The following CADM2 variants were observed in gnomAD, a reference collection of about 807,000 sequenced individuals.
CADM2 encodes immunoglobulin superfamily member 4D.
In CADM2, 12 loss-of-function variants were observed where a neutral mutation model predicts 49.8. The observed-to-expected ratio is 0.24, with a 90% CI of 0.15 to 0.39. The LOEUF (loss-of-function observed/expected upper bound fraction) is 0.39. Among genes scored for constraint, CADM2 ranks in the 10% least tolerant of loss-of-function variants. CADM2 has a pLI of 1.00. For synonymous variants in CADM2, 214 were observed against 175.4 expected (o/e 1.22, Z -1.74); for missense variants, 378 against 492.3 (o/e 0.77, Z 2.20).
intron 2 of CADM2, among the ~76,000 whole-genome samples, chr3:85,742,016 A>G (rs1373657290): frequency 1.3e-5 from 2 of 152,200 alleles, no homozygotes; most frequent in Non-Finnish European, 2.9e-5. Context: ...TTGACTGCTT[A>G]TTACATGTTT....
At position 86,013,211 on chromosome 3, in the gene CADM2, C is replaced by T. The variant is rs1185811936; in HGVS notation, c.970+51564C>T. On this transcript the variant is annotated intron_variant, in intron 8 of 9. Transcript: ENST00000383699. ...AAACAGAAAAACATTGATGAAACTTCTGAGCAGGAACAAAAACATAAACCA... is the reference window on the plus strand; with the variant it reads ...AAACAGAAAAACATTGATGAAACTTTTGAGCAGGAACAAAAACATAAACCA... 8.6e-6 allele frequency: 12 copies of T among 1,398,422 alleles called. 2 individuals are homozygous for T. In the South Asian group the frequency reaches 1.1e-4, roughly 13 times the overall value. The allele number at this position is 1,398,422 out of a possible 1,614,324, so 86.6% of individuals were successfully genotyped here. A position where few individuals can be genotyped will look rare whatever the true frequency, so the allele number is the denominator to read the frequency against.
chr3:85,347,030 C>T (rs2107218973), intron 1 of CADM2, among the ~76,000 whole-genome samples: 1 of 151,922 alleles, frequency 6.6e-6, no homozygotes, highest in Admixed American at 6.6e-5. Context: ...CAAGACCAGC[C>T]TGGCCAACAT....
chr3:86,009,464 T>G (rs1731223567), intron 8 of CADM2, among the ~76,000 whole-genome samples: 1 of 151,494 alleles, frequency 6.6e-6, no homozygotes, highest in East Asian at 1.9e-4. Context: ...ATTTTTGGAG[T>G]GCCAGCACCC....
At chr3:85,433,893 C>T (rs572438727) in intron 1 of CADM2, among the ~76,000 whole-genome samples, 1 of 152,146 alleles carries the variant, frequency 6.6e-6, no homozygotes, top group East Asian at 1.9e-4. Context: ...TGAAAAGTAA[C>T]CAATTTGTTC....
intron 2 of CADM2, among the ~76,000 whole-genome samples, chr3:85,793,387 G>T (rs747011839): frequency 1.3e-4 from 20 of 152,104 alleles, no homozygotes; most frequent in Non-Finnish European, 2.4e-4. Context: ...GAGGAAAAAA[G>T]GGAGCCTATT....
intron 8 of CADM2, among the ~76,000 whole-genome samples, chr3:85,995,736 A>T (rs1729309666): frequency 6.6e-6 from 1 of 152,144 alleles, no homozygotes; most frequent in Non-Finnish European, 1.5e-5. Flanking sequence ...GATATATTCT[A>T]ATTTTATACA....
intron 8 of CADM2, among the ~76,000 whole-genome samples, chr3:85,977,828 C>T (rs188586144): frequency 2.6e-5 from 4 of 151,388 alleles, no homozygotes; most frequent in South Asian, 2.1e-4. Flanking sequence ...TTTTCCCTGT[C>T]GAAAAACAGG....
In CADM2 at chr3:85,247,282, G is replaced by T. The variant is rs368792247; in HGVS notation, c.61+287614G>T. On this transcript the variant is annotated intron_variant, in intron 1 of 9. Coordinates refer to ENST00000383699, the MANE Select transcript of CADM2 (RefSeq NM_001167675.2). Reference sequence around the variant, plus strand: ...TTAACTTTTCCTAGATCTCACTGGAGTAAAACAAAATATTTACTCTAACAT... The same window carrying T: ...TTAACTTTTCCTAGATCTCACTGGATTAAAACAAAATATTTACTCTAACAT... Among the ~76,000 whole-genome samples, 58 of 152,142 alleles carry T rather than the reference G, an allele frequency of 3.8e-4. 1 individual carries two copies. Among genetic ancestry groups the T allele is most frequent in the East Asian group, 3.5e-3 (18 of 5,164 alleles).
rs1265185353 is a variant in CADM2 at position 86,067,619 on chromosome 3, T to C, written c.*836T>C. 1 of 152,574 alleles carries C rather than the reference T, an allele frequency of 6.6e-6. No individual in the cohort carries two copies. Among genetic ancestry groups the C allele is most frequent in the Non-Finnish European group, 1.5e-5 (1 of 67,948 alleles). The allele number at this position is 152,574 out of a possible 1,614,324, so 9.5% of individuals were successfully genotyped here. A position where few individuals can be genotyped will look rare whatever the true frequency, so the allele number is the denominator to read the frequency against. On this transcript the variant is annotated 3_prime_UTR_variant, in exon 10 of 10. Transcript: ENST00000383699. The stretch of plus-strand genomic sequence containing the variant: ...TTCACCTGCCTAAACAATATTGAAG[T>C]ATCCATAGGGCACAATTTTCAGACA...
At chr3:85,976,293 C>T (rs1308734236) in intron 8 of CADM2, among the ~76,000 whole-genome samples, 2 of 151,520 alleles carry the variant, frequency 1.3e-5, no homozygotes, top group Non-Finnish European at 3.0e-5. Flanking sequence ...GAGCTCTTCT[C>T]TTGAAGACCT....
At chr3:85,206,777 A>T (rs1040742110) in intron 1 of CADM2, among the ~76,000 whole-genome samples, 2 of 152,076 alleles carry the variant, frequency 1.3e-5, no homozygotes, top group African/African-American at 2.4e-5. Flanking sequence ...ATAAACATAA[A>T]TACATTTATA....
chr3:85,480,762 C>T (rs2039176281), intron 1 of CADM2, among the ~76,000 whole-genome samples: 1 of 151,620 alleles, frequency 6.6e-6, no homozygotes, highest in African/African-American at 2.4e-5. Context: ...TTGCTCATTT[C>T]AGTGATTTCA....
At position 85,435,801 on chromosome 3, in the gene CADM2, C is replaced by T. The variant is rs185109800; in HGVS notation, c.62-290721C>T. On this transcript the variant is annotated intron_variant, in intron 1 of 9. Coordinates refer to ENST00000383699, the MANE Select transcript of CADM2 (RefSeq NM_001167675.2). The stretch of plus-strand genomic sequence containing the variant: ...AGCTTTTTTCCATATGTTTTTTGGC[C>T]GCATAAATGTCTTCTTTTGAGAAGT... Among the ~76,000 whole-genome samples, 470 of 152,066 alleles carry T rather than the reference C, an allele frequency of 3.1e-3. 1 individual carries two copies. Among genetic ancestry groups the T allele is most frequent in the Non-Finnish European group, 4.4e-3 (302 of 67,966 alleles).
intron 8 of CADM2, among the ~76,000 whole-genome samples, chr3:85,984,679 G>A (rs1450469934): frequency 6.6e-6 from 1 of 151,850 alleles, no homozygotes; most frequent in Non-Finnish European, 1.5e-5. Context: ...CTATTACTAA[G>A]AGTGGATTCA....
chr3:85,886,461 C>T (rs1288492468), intron 5 of CADM2, 134 bp downstream of exon 5: 1 of 619,842 alleles, frequency 1.6e-6, no homozygotes, highest in African/African-American at 1.8e-5. Flanking sequence ...CCAGATTTAC[C>T]CATTCTTAAG....
intron 1 of CADM2, among the ~76,000 whole-genome samples, chr3:85,213,895 T>G (rs1374280902): frequency 2.0e-5 from 3 of 152,136 alleles, no homozygotes; most frequent in Non-Finnish European, 4.4e-5. Context: ...CATGTTCAAC[T>G]CCATAATGTC....
chr3:85,946,148 G>A (rs1417363232), intron 7 of CADM2, among the ~76,000 whole-genome samples: 1 of 151,976 alleles, frequency 6.6e-6, no homozygotes, highest in African/African-American at 2.4e-5. Flanking sequence ...GACAAACAGA[G>A]AGCCAAATCA....
intron 1 of CADM2, among the ~76,000 whole-genome samples, chr3:84,991,132 T>C (rs548404636): frequency 1.3e-5 from 2 of 152,260 alleles, no homozygotes; most frequent in African/African-American, 4.8e-5. Flanking sequence ...CTTATGCATC[T>C]GTACTCTTCT....
chr3:85,535,412 T>A (rs1369984704), intron 1 of CADM2, among the ~76,000 whole-genome samples: 1 of 152,164 alleles, frequency 6.6e-6, no homozygotes, highest in East Asian at 1.9e-4. Context: ...AAATTGTCCA[T>A]CTAAAATAAA....
Sources: gnomAD v4.1 joint callset for allele counts (sites outside exome capture counted in the v4.1 genomes callset) on GRCh38, gnomAD v4.1.1 for gene constraint, MANE v1.5 for transcripts, NCBI Gene and HGNC (gene_info 2026-07-23, HGNC 2026-07-21) for gene names.